The following ALKBH2 variants were observed in gnomAD, a reference collection of about 807,000 sequenced individuals.
The protein encoded by ALKBH2 is DNA oxidative demethylase ALKBH2.
ALKBH2 carries 19 observed loss-of-function variants against 19.7 expected under a neutral mutation model. The observed-to-expected ratio is 0.97, with a 90% CI of 0.67 to 1.42. ALKBH2 has a LOEUF of 1.42. Ranked by LOEUF, ALKBH2 falls within the 40% of genes most tolerant of loss-of-function variation. The pLI is 0.00. For synonymous variants in ALKBH2, 135 were observed against 131.2 expected, an observed-to-expected ratio of 1.03 and a Z score of -0.20; for missense variants, 310 against 328.5, an observed-to-expected ratio of 0.94 and a Z score of 0.43.
Position 109,089,614 on chromosome 12 carries a change from C to T in ALKBH2, c.479+395G>A, listed in dbSNP as rs1054591872. ...TTAATTTTTTGCAAGATGGTTATCA[C>T]TGTCTGAAATCGTCTAGGGTCAGGC... On this transcript the variant is annotated intron_variant, in intron 3 of 3. Coordinates refer to ENST00000429722, the MANE Select transcript of ALKBH2 (RefSeq NM_001145374.2). 14 of 226,584 alleles carry T rather than the reference C, an allele frequency of 6.2e-5. 1 individual carries two copies. Among genetic ancestry groups the T allele is most frequent in the African/African-American group, 2.9e-4 (13 of 44,320 alleles). 14.0% of individuals were successfully genotyped at this position (226,584 alleles called of 1,614,324 possible).
rs775078821 is a variant in ALKBH2, at chr12:109,092,615, G to A, written c.172C>T (p.Arg58Trp). The change falls in exon 2 of 4, where the codon CGG becomes TGG. Residue 58 changes from arginine to tryptophan, a missense_variant. Transcript: ENST00000429722. Reference protein sequence around the residue: ...NGGHSAGPSWRHIRAEGLDCS... With the variant: ...NGGHSAGPSWWHIRAEGLDCS... ...TCCAGGCCCTCAGCCCGAATGTGCC[G>A]CCAGCTAGGGCCTGCTGAGTGGCCT... 2.0e-5 allele frequency: 32 copies of A among 1,614,006 alleles called. No individual in the cohort carries two copies. In the East Asian group the frequency reaches 2.0e-4, roughly 10 times the overall value.
chr12:109,091,445 A>G (rs1460344257), intron 2 of ALKBH2, among the ~76,000 whole-genome samples: 1 of 151,042 alleles, frequency 6.6e-6, no homozygotes, highest in African/African-American at 2.4e-5. Flanking sequence ...CTGGACTTGA[A>G]CTCCTGGCCT....
Position 109,088,379 on chromosome 12 carries a change from T to C in ALKBH2, c.613A>G (p.Lys205Glu). Residue 205 changes from lysine (K) to glutamate (E), a missense_variant, in exon 4 of 4, where the codon AAA (lysine) becomes GAA (glutamate). Physicochemically the swap from Lys to Glu is moderately conservative, Grantham distance 56. Coordinates refer to ENST00000429722, the MANE Select transcript of ALKBH2 (RefSeq NM_001145374.2). The surrounding 1 kb of genome is among the most constrained non-coding windows in gnomAD (Gnocchi z 4.2). ...ACCGCCACCCTCCTGGAGGGGCTTT[T>C]CCCACGGGAATCCTTATGCCGGAAG... ...FVFRHKDSRG[K>E]SPSRRVAVVR... 6.2e-7 allele frequency: 1 copy of C among 1,613,886 alleles called. No homozygotes were observed. Among genetic ancestry groups the C allele is most frequent in the South Asian group, 1.1e-5 (1 of 91,050 alleles).
chr12:109,090,033 G>T lies in ALKBH2; in HGVS notation c.455C>A (p.Thr152Asn). ...RDHVSGVTGQ[T>N]FNFVLINRYK... ...CCTGTTGATGAGCACAAAGTTGAAG[G>T]TCTGTCCAGTCACCCCAGAGACGTG... The change falls in exon 3 of 4, where the codon ACC becomes AAC. Residue 152 changes from threonine to asparagine, a missense_variant. By Grantham distance (65) the Thr-to-Asn change is moderately conservative. Coordinates refer to ENST00000429722, the MANE Select transcript of ALKBH2 (RefSeq NM_001145374.2). 2.5e-6 allele frequency: 4 copies of T among 1,614,188 alleles called. No homozygotes were observed. Among genetic ancestry groups the T allele is most frequent in the Non-Finnish European group, 3.4e-6 (4 of 1,180,032 alleles).
Position 109,092,647 on chromosome 12 carries a change from C to G in ALKBH2, c.140G>C (p.Gly47Ala). The change falls in exon 2 of 4, where the codon GGG (glycine) becomes GCG (alanine). Residue 47 changes from glycine to alanine, a missense_variant. Coordinates refer to ENST00000429722, the MANE Select transcript of ALKBH2 (RefSeq NM_001145374.2). ...AGGGCCTGCTGAGTGGCCTCCATTC[C>G]CTGGGGCCTCTCTCCTGGGCCTCTT... ...TRKRPRREAP[G>A]NGGHSAGPSW... 6.2e-7 allele frequency: 1 copy of G among 1,614,208 alleles called. No homozygotes were observed. Among genetic ancestry groups the G allele is most frequent in the Non-Finnish European group, 8.5e-7 (1 of 1,180,030 alleles).
chr12:109,088,347 C>G lies in ALKBH2; in HGVS notation c.645G>C (p.Arg215Ser), dbSNP rs939014344. Residue 215 changes from arginine (R) to serine (S), a missense_variant, in exon 4 of 4, where the codon AGG (arginine) becomes AGC (serine). Coordinates refer to ENST00000429722, the MANE Select transcript of ALKBH2 (RefSeq NM_001145374.2). The surrounding 1 kb of genome is among the most constrained non-coding windows in gnomAD (Gnocchi z 4.2). ...GTAAGCTCCCGTGGGCCAGCGGCAG[C>G]CTGACCACCGCCACCCTCCTGGAGG... ...KSPSRRVAVVRLPLAHGSLLM... is the reference protein window; with the variant it reads ...KSPSRRVAVVSLPLAHGSLLM... 7 of 1,613,956 alleles carry G rather than the reference C, an allele frequency of 4.3e-6. No individual in the cohort carries two copies. In the African/African-American group the frequency reaches 6.7e-5, roughly 15 times the overall value.
intron 2 of ALKBH2, among the ~76,000 whole-genome samples, chr12:109,091,199 C>T (rs2042054829): frequency 6.6e-6 from 1 of 152,224 alleles, no homozygotes; most frequent in East Asian, 1.9e-4. Context: ...CAATTAACAG[C>T]CTGGGTAACA....
chr12:109,090,550 C>T (rs2042046624), intron 2 of ALKBH2, among the ~76,000 whole-genome samples: 1 of 152,284 alleles, frequency 6.6e-6, no homozygotes, highest in East Asian at 1.9e-4. Context: ...GCATCAGCCT[C>T]CTGAATAGCT....
rs1229691930 is a variant in ALKBH2 at position 109,092,751 on chromosome 12, G to GC, written c.35dup (p.Leu13ProfsTer44). The GC allele has an allele frequency of 1.2e-6, 2 of 1,613,506 alleles. No individual in the cohort carries two copies. Among genetic ancestry groups the GC allele is most frequent in the Non-Finnish European group, 8.5e-7 (1 of 1,179,820 alleles). On this transcript the variant is annotated frameshift_variant, in exon 2 of 4. Coordinates refer to ENST00000429722, the MANE Select transcript of ALKBH2 (RefSeq NM_001145374.2). LOFTEE classifies it high-confidence loss of function. The stretch of plus-strand genomic sequence containing the variant: ...CTTGCTCCTCCTGCTTCCTCAAAAG[G>GC]CCCCCTTGAGCCCCTTTCACCAGGA...
At position 109,088,604 on chromosome 12, in the gene ALKBH2, C is replaced by T; in HGVS notation, c.480-92G>A. ...CCCTCGTTTTCCTCACAGTGTGAAA[C>T]AGCACTCTGCATGGCTGTACCTGCC... On this transcript the variant is annotated intron_variant, in intron 3 of 3. Coordinates refer to ENST00000429722, the MANE Select transcript of ALKBH2 (RefSeq NM_001145374.2). The surrounding 1 kb of genome is among the most constrained non-coding windows in gnomAD (Gnocchi z 4.2). 2 of 1,224,572 alleles carry T rather than the reference C, an allele frequency of 1.6e-6. No homozygotes were observed. The highest frequency in any genetic ancestry group is 2.3e-6 in the Non-Finnish European group (2 of 880,462). 75.9% of individuals were successfully genotyped at this position (1,224,572 alleles called of 1,614,324 possible).
Position 109,088,214 on chromosome 12 carries a change from T to TA in ALKBH2, c.777dup (p.Lys260Ter), listed in dbSNP as rs1566113457. The TA allele has an allele frequency of 3.1e-6, 5 of 1,591,866 alleles. No individual in the cohort carries two copies. Among genetic ancestry groups the TA allele is most frequent in the Non-Finnish European group, 4.3e-6 (5 of 1,167,266 alleles). On this transcript the variant is annotated frameshift_variant, in exon 4 of 4. Coordinates refer to ENST00000429722, the MANE Select transcript of ALKBH2 (RefSeq NM_001145374.2). LOFTEE classifies it high-confidence loss of function. The surrounding 1 kb of genome is among the most constrained non-coding windows in gnomAD (Gnocchi z 4.2). ...AACTGTTAAAAATGTTTTTATTTTT[T>TA]AGTAAGCAAAATTTTACGAAAAGTC...
chr12:109,091,211 A>C (rs1446070625), intron 2 of ALKBH2, among the ~76,000 whole-genome samples: 1 of 152,174 alleles, frequency 6.6e-6, no homozygotes, highest in Non-Finnish European at 1.5e-5. Flanking sequence ...TGGGTAACAC[A>C]GTGAGACCTA....
rs746308268 is a variant in ALKBH2 at position 109,092,811 on chromosome 12, C to A, written c.-25G>T. Reference sequence around the variant, plus strand: ...TCCTGTCCCCACAGGAAAGAAGGGACGTCAGTGGCGAGGCCAAGACAGAAA... The same window carrying A: ...TCCTGTCCCCACAGGAAAGAAGGGAAGTCAGTGGCGAGGCCAAGACAGAAA... On this transcript the variant is annotated 5_prime_UTR_variant, in exon 2 of 4. Transcript: ENST00000429722. 1.9e-6 allele frequency: 3 copies of A among 1,581,948 alleles called. No individual in the cohort carries two copies. Among genetic ancestry groups the A allele is most frequent in the Non-Finnish European group, 2.6e-6 (3 of 1,166,466 alleles).
rs200594471 is a variant in ALKBH2 at position 109,090,014 on chromosome 12, G to C, written c.474C>G (p.Ile158Met). The change falls in exon 3 of 4, where the codon ATC becomes ATG. Residue 158 changes from isoleucine (I) to methionine (M), a missense_variant. Transcript: ENST00000429722. Reference sequence around the variant, plus strand: ...TCCACTAAACAGGGTGTCACCTGTTGATGAGCACAAAGTTGAAGGTCTGTC... The same window carrying C: ...TCCACTAAACAGGGTGTCACCTGTTCATGAGCACAAAGTTGAAGGTCTGTC... ...VTGQTFNFVL[I>M]NRYKDGCDHI... 3.7e-5 allele frequency: 59 copies of C among 1,614,122 alleles called. No homozygotes were observed. Among genetic ancestry groups the C allele is most frequent in the Non-Finnish European group, 4.6e-5 (54 of 1,180,026 alleles).
chr12:109,091,913 G>A (rs545498975), intron 2 of ALKBH2, among the ~76,000 whole-genome samples: 7 of 152,250 alleles, frequency 4.6e-5, no homozygotes, highest in Non-Finnish European at 8.8e-5. Context: ...ATAGAGGTGT[G>A]GTTCTCAACA....
At position 109,090,002 on chromosome 12, in the gene ALKBH2, G is replaced by T; in HGVS notation, c.479+7C>A. ...TGTAACATTGAGTCCACTAAACAGG[G>T]TGTCACCTGTTGATGAGCACAAAGT... On this transcript the variant is annotated splice_region_variant and intron_variant, in intron 3 of 3. Transcript: ENST00000429722. 1.9e-6 allele frequency: 3 copies of T among 1,613,488 alleles called. No individual in the cohort carries two copies. The highest frequency in any genetic ancestry group is 2.5e-6 in the Non-Finnish European group (3 of 1,179,438).
Position 109,092,573 on chromosome 12 carries a change from G to A in ALKBH2, c.214C>T (p.Leu72=), listed in dbSNP as rs1203534785. 4.3e-6 allele frequency: 7 copies of A among 1,612,820 alleles called. No homozygotes were observed. Among genetic ancestry groups the A allele is most frequent in the African/African-American group, 4.0e-5 (3 of 74,818 alleles). ...AEGLDCSYTV[L]FGKAEADEIF... is the part of the protein sequence containing the mutation. ...TCATCTGCCTCAGCTTTGCCAAACA[G>A]GACTGTGTAACTGCAGTCCAGGCCC... Residue 72 remains leucine (L), a synonymous_variant, in exon 2 of 4, where the codon CTG becomes TTG. Coordinates refer to ENST00000429722, the MANE Select transcript of ALKBH2 (RefSeq NM_001145374.2).
rs182841235 is a variant in ALKBH2 at position 109,091,296 on chromosome 12, G to C, written c.281-1089C>G. Among the ~76,000 whole-genome samples the C allele has an allele frequency of 1.9e-3, 292 of 152,292 alleles. 3 individuals carry two copies. Among genetic ancestry groups the C allele is most frequent in the African/African-American group, 6.5e-3 (270 of 41,562 alleles). Reference sequence around the variant, plus strand: ...AGTTACTTAGGATGCTGAGGTGGGAGAATCACTTGAGCCCAGGCGGACGAG... The same window carrying C: ...AGTTACTTAGGATGCTGAGGTGGGACAATCACTTGAGCCCAGGCGGACGAG... On this transcript the variant is annotated intron_variant, in intron 2 of 3. Coordinates refer to ENST00000429722, the MANE Select transcript of ALKBH2 (RefSeq NM_001145374.2).
rs200803353 is a variant in ALKBH2 at position 109,092,821 on chromosome 12, G to A, written c.-35C>T. The A allele has an allele frequency of 1.3e-3, 2,087 of 1,572,152 alleles. 1 individual carries two copies. The highest frequency in any genetic ancestry group is 1.6e-3 in the Non-Finnish European group (1,906 of 1,161,986). On this transcript the variant is annotated 5_prime_UTR_variant, in exon 2 of 4. Transcript: ENST00000429722. ...ACAGGAAAGAAGGGACGTCAGTGGCGAGGCCAAGACAGAAATTGCTCAAGT... is the reference window on the plus strand; with the variant it reads ...ACAGGAAAGAAGGGACGTCAGTGGCAAGGCCAAGACAGAAATTGCTCAAGT...
Sources: gnomAD v4.1 joint callset for allele counts (sites outside exome capture counted in the v4.1 genomes callset) on GRCh38, gnomAD v4.1.1 for gene constraint, Gnocchi (gnomAD v3.1) non-coding constraint, MANE v1.5 for transcripts, NCBI Gene and HGNC (gene_info 2026-07-23, HGNC 2026-07-21) for gene names.